LRRC4: variants seen among roughly 807,000 people sequenced by gnomAD.
The protein encoded by LRRC4 is leucine rich repeat containing 4, also known as leucine-rich repeat-containing protein 4.
A neutral mutation model predicts 37.9 loss-of-function variants in LRRC4; 11 were observed. The ratio of observed to expected loss-of-function variants is 0.29; its 90% CI spans 0.18 to 0.48. LRRC4 has a LOEUF of 0.48. Among genes scored for constraint, LRRC4 ranks in the 20% least tolerant of loss-of-function variants. LRRC4 has a pLI of 0.99. For synonymous variants in LRRC4, 404 were observed against 346.7 expected, an observed-to-expected ratio of 1.17 and a Z score of -1.84; for missense variants, 717 against 842.1, an observed-to-expected ratio of 0.85 and a Z score of 1.84.
rs139562849 is a variant in LRRC4, at chr7:128,029,639, G to A, written c.1002C>T (p.His334=). 6.2e-7 allele frequency: 1 copy of A among 1,614,018 alleles called. No homozygotes were observed. Reference sequence around the variant, plus strand: ...CCTCCACGAGGTAGCGGCCTCGCATGTGCATGGGAGCATGACAGCGGCCAC... The same window carrying A: ...CCTCCACGAGGTAGCGGCCTCGCATATGCATGGGAGCATGACAGCGGCCAC... ...TCCGRCHAPM[H]MRGRYLVEVD... Residue 334 remains histidine, a synonymous_variant, in exon 2 of 2, where the codon CAC becomes CAT. Transcript: ENST00000249363. This position sits in a 1 kb window ranked among gnomAD's most constrained non-coding sequence, Gnocchi z 4.2.
chr7:128,028,350 G>C lies in LRRC4; in HGVS notation c.*329C>G, dbSNP rs1159524544. The C allele has an allele frequency of 8.4e-6, 2 of 239,180 alleles. No individual in the cohort carries two copies. Among genetic ancestry groups the C allele is most frequent in the Non-Finnish European group, 1.6e-5 (2 of 122,744 alleles). The allele number at this position is 239,180 out of a possible 1,614,324, so 14.8% of individuals were successfully genotyped here. ...AGCAGCCCACACCCTACCTCTTTAA[G>C]GATGTTTGTTGTTTTAGTTTATTTT... is the stretch of plus-strand genomic sequence containing the variant. On this transcript the variant is annotated 3_prime_UTR_variant, in exon 2 of 2. Coordinates refer to ENST00000249363, the MANE Select transcript of LRRC4 (RefSeq NM_022143.5).
upstream of LRRC4, chr7:128,031,918 G>C (rs984788242): frequency 1.3e-5 from 2 of 151,302 alleles, no homozygotes; most frequent in African/African-American, 4.8e-5. Flanking sequence ...AGCAGCGGGG[G>C]TCGCGGCTGC....
chr7:128,030,778 G>C (rs1488031991), intron 1 of LRRC4, 38 bp from the exon 2 acceptor site: 4 of 1,117,786 alleles, frequency 3.6e-6, no homozygotes, highest in Middle Eastern at 5.6e-4. Context: ...TTAGAGAGAC[G>C]GAGCGGATCG....
Position 128,030,577 on chromosome 7 carries a change from C to T in LRRC4, c.64G>A (p.Val22Ile). The change falls in exon 2 of 2, where the codon GTC becomes ATC. Residue 22 changes from valine (V) to isoleucine (I), a missense_variant. By Grantham distance (29) the Val-to-Ile change is conservative (BLOSUM62 3). Coordinates refer to ENST00000249363, the MANE Select transcript of LRRC4 (RefSeq NM_022143.5). ...HTWNAILLPFVYLTAQVWILC... is the reference protein window; with the variant it reads ...HTWNAILLPFIYLTAQVWILC... Reference sequence around the variant, plus strand: ...ATCCACACTTGCGCCGTGAGGTAGACGAACGGGAGCAGGATGGCATTCCAG... The same window carrying T: ...ATCCACACTTGCGCCGTGAGGTAGATGAACGGGAGCAGGATGGCATTCCAG... 1 of 1,606,224 alleles carries T rather than the reference C, an allele frequency of 6.2e-7. No homozygotes were observed. The highest frequency in any genetic ancestry group is 8.5e-7 in the Non-Finnish European group (1 of 1,174,790).
chr7:128,031,755 C>T (rs953000903), upstream of LRRC4: 3 of 145,024 alleles, frequency 2.1e-5, no homozygotes, highest in Non-Finnish European at 3.1e-5. Context: ...GCGGCCGCAG[C>T]CCCCGGCGGC....
chr7:128,030,058 G>A lies in LRRC4; in HGVS notation c.583C>T (p.Leu195=), dbSNP rs375153181. The stretch of plus-strand genomic sequence containing the variant: ...AAGTTCAGATACTTGAGGTTGAACA[G>A]CCCCTCAAAAGCTCCCTCAGAGATA... ...EYISEGAFEG[L]FNLKYLNLGM... The change falls in exon 2 of 2, where the codon CTG becomes TTG. Residue 195 remains leucine (L), a synonymous_variant. Coordinates refer to ENST00000249363, the MANE Select transcript of LRRC4 (RefSeq NM_022143.5). 4.2e-5 allele frequency: 68 copies of A among 1,613,228 alleles called. No homozygotes were observed. Among genetic ancestry groups the A allele is most frequent in the Non-Finnish European group, 5.8e-5 (68 of 1,180,040 alleles).
chr7:128,030,697 C>G lies in LRRC4; in HGVS notation c.-57G>C. The stretch of plus-strand genomic sequence containing the variant: ...GGGATTTTGGCTCGGAAAGGAGAAC[C>G]AGCCCTACCCCGGCTTAAGTGAGCT... On this transcript the variant is annotated 5_prime_UTR_variant, in exon 2 of 2. Transcript: ENST00000249363. 6.6e-7 allele frequency: 1 copy of G among 1,516,204 alleles called. No homozygotes were observed. Among genetic ancestry groups the G allele is most frequent in the Non-Finnish European group, 8.8e-7 (1 of 1,130,178 alleles). The allele number at this position is 1,516,204 out of a possible 1,614,324, so 93.9% of individuals were successfully genotyped here. A position where few individuals can be genotyped will look rare whatever the true frequency, so the allele number is the denominator to read the frequency against.
Position 128,030,098 on chromosome 7 carries a change from G to C in LRRC4, c.543C>G (p.Leu181=), listed in dbSNP as rs532677808. Residue 181 remains leucine, a synonymous_variant, in exon 2 of 2, where the codon CTC becomes CTG. Coordinates refer to ENST00000249363, the MANE Select transcript of LRRC4 (RefSeq NM_022143.5). ...PSLMRLDLGE[L]KKLEYISEGA... ...CCTCAGAGATATACTCCAGCTTCTT[G>C]AGCTCCCCCAAGTCCAGGCGCATGA... is the stretch of plus-strand genomic sequence containing the variant. 1 of 1,613,914 alleles carries C rather than the reference G, an allele frequency of 6.2e-7. No individual in the cohort carries two copies. The highest frequency in any genetic ancestry group is 8.5e-7 in the Non-Finnish European group (1 of 1,180,046).
Position 128,029,137 on chromosome 7 carries a change from T to C in LRRC4, c.1504A>G (p.Lys502Glu), listed in dbSNP as rs770981043. ...TVLIQTTRVPKQVAVPATDTT... is the reference protein window; with the variant it reads ...TVLIQTTRVPEQVAVPATDTT... The stretch of plus-strand genomic sequence containing the variant: ...TCTGTCGCGGGTACTGCCACCTGCT[T>C]GGGCACACGGGTAGTCTGAATGAGC... Residue 502 changes from lysine to glutamate, a missense_variant, in exon 2 of 2, where the codon AAG (lysine) becomes GAG (glutamate). Lys to Glu is a moderately conservative substitution (Grantham distance 56, BLOSUM62 1). Coordinates refer to ENST00000249363, the MANE Select transcript of LRRC4 (RefSeq NM_022143.5). The surrounding 1 kb of genome is among the most constrained non-coding windows in gnomAD (Gnocchi z 4.2). 2 of 1,614,084 alleles carry C rather than the reference T, an allele frequency of 1.2e-6. No individual in the cohort carries two copies. Among genetic ancestry groups the C allele is most frequent in the Non-Finnish European group, 1.7e-6 (2 of 1,180,014 alleles).
rs1235503794 is a variant in LRRC4, at chr7:128,030,170, G to A, written c.471C>T (p.Asn157=). 1 of 1,614,136 alleles carries A rather than the reference G, an allele frequency of 6.2e-7. No individual in the cohort carries two copies. The highest frequency in any genetic ancestry group is 8.5e-7 in the Non-Finnish European group (1 of 1,180,058). The part of the protein sequence containing the change: ...SKLRELWLRN[N]PIESIPSYAF... ...CGTAAGAGGGGATGCTTTCGATGGG[G>A]TTGTTGCGAAGCCAGAGCTCCCGCA... is the stretch of plus-strand genomic sequence containing the variant. The change falls in exon 2 of 2, where the codon AAC becomes AAT. Residue 157 remains asparagine (N), a synonymous_variant. Transcript: ENST00000249363.
Position 128,029,805 on chromosome 7 carries a change from G to A in LRRC4, c.836C>T (p.Ser279Phe). ...GGTAAAGAGGTCATGGGGCAAAGAA[G>A]AGAGGTTATTGTGGGCCAAGTTGAG... is the stretch of plus-strand genomic sequence containing the variant. ...VELNLAHNNL[S>F]SLPHDLFTPL... The change falls in exon 2 of 2, where the codon TCT becomes TTT. Residue 279 changes from serine (S) to phenylalanine (F), a missense_variant. Ser to Phe is a radical substitution (Grantham distance 155). This residue lies in a region of LRRC4 where 138 missense variants were observed against 261.0 expected (regional missense o/e 0.53). Coordinates refer to ENST00000249363, the MANE Select transcript of LRRC4 (RefSeq NM_022143.5). This position sits in a 1 kb window ranked among gnomAD's most constrained non-coding sequence, Gnocchi z 4.2. 3 of 1,613,800 alleles carry A rather than the reference G, an allele frequency of 1.9e-6. No individual in the cohort carries two copies. Among genetic ancestry groups the A allele is most frequent in the Non-Finnish European group, 2.5e-6 (3 of 1,180,026 alleles).
At position 128,029,177 on chromosome 7, in the gene LRRC4, G is replaced by A. The variant is rs760464481; in HGVS notation, c.1464C>T (p.Thr488=). 1 of 1,614,060 alleles carries A rather than the reference G, an allele frequency of 6.2e-7. No individual in the cohort carries two copies. The highest frequency in any genetic ancestry group is 1.1e-5 in the South Asian group (1 of 91,070). ...TCTGAATGAGCACCGTGGTAGAGGT[G>A]GTATATGCCGGCTGGTAACCAGTGG... is the stretch of plus-strand genomic sequence containing the variant. ...TTSTGYQPAY[T]TSTTVLIQTT... Residue 488 remains threonine (T), a synonymous_variant, in exon 2 of 2, where the codon ACC becomes ACT. Transcript: ENST00000249363. The surrounding 1 kb of genome is among the most constrained non-coding windows in gnomAD (Gnocchi z 4.2).
Position 128,028,676 on chromosome 7 carries a change from G to T in LRRC4, c.*3C>A. 2 of 1,601,396 alleles carry T rather than the reference G, an allele frequency of 1.2e-6. No homozygotes were observed. The highest frequency in any genetic ancestry group is 1.3e-5 in the African/African-American group (1 of 74,432). Reference sequence around the variant, plus strand: ...ATTTTATAAGTTTTTTGGGGGAGGGGAGTCATATTTGAGTTTCCTGTACCT... The same window carrying T: ...ATTTTATAAGTTTTTTGGGGGAGGGTAGTCATATTTGAGTTTCCTGTACCT... On this transcript the variant is annotated 3_prime_UTR_variant, in exon 2 of 2. Transcript: ENST00000249363.
chr7:128,032,040 G>A (rs1156846938), upstream of LRRC4: 2 of 151,802 alleles, frequency 1.3e-5, no homozygotes, highest in East Asian at 3.9e-4. Flanking sequence ...CCGGGCTCGC[G>A]GTGTTGCAGG....
In LRRC4 at chr7:128,030,356, G is replaced by A. The variant is rs1260274574; in HGVS notation, c.285C>T (p.Phe95=). 1 of 1,613,948 alleles carries A rather than the reference G, an allele frequency of 6.2e-7. No individual in the cohort carries two copies. The highest frequency in any genetic ancestry group is 1.3e-5 in the African/African-American group (1 of 74,936). The change falls in exon 2 of 2, where the codon TTC becomes TTT. Residue 95 remains phenylalanine, a synonymous_variant. Transcript: ENST00000249363. ...GGACCTCCAGGTGGTGGAGGTGGCG[G>A]AAGGTGTCGGCCTGGATCATCTGGA... ...NNIQMIQADT[F]RHLHHLEVLQ... is the part of the protein sequence containing the mutation.
rs750552921 is a variant in LRRC4, at chr7:128,030,408, C to T, written c.233G>A (p.Arg78Gln). Residue 78 changes from arginine (R) to glutamine (Q), a missense_variant, in exon 2 of 2, where the codon CGG becomes CAG. Transcript: ENST00000249363. ...EVPQGIPSNT[R>Q]YLNLMENNIQ... is the part of the protein sequence containing the mutation. ...GTTGTTCTCCATGAGGTTGAGGTAC[C>T]GGGTGTTCGAGGGAATACCCTGCGG... is the stretch of plus-strand genomic sequence containing the variant. 1.3e-5 allele frequency: 21 copies of T among 1,613,710 alleles called. No homozygotes were observed. Among genetic ancestry groups the T allele is most frequent in the Non-Finnish European group, 1.6e-5 (19 of 1,180,046 alleles).
rs1424008533 is a variant in LRRC4, at chr7:128,027,618, C to T, written c.*1061G>A. 1 of 152,212 alleles carries T rather than the reference C, an allele frequency of 6.6e-6. No homozygotes were observed. The highest frequency in any genetic ancestry group is 1.5e-5 in the Non-Finnish European group (1 of 68,030). 9.4% of individuals were successfully genotyped at this position (152,212 alleles called of 1,614,324 possible). ...CACAAGCATGAGAAAAGCTTCCACT[C>T]CCAAGCTCCCCAATTCAGGCTTCTC... is the stretch of plus-strand genomic sequence containing the variant. On this transcript the variant is annotated 3_prime_UTR_variant, in exon 2 of 2. Transcript: ENST00000249363.
chr7:128,028,876 C>G lies in LRRC4; in HGVS notation c.1765G>C (p.Gly589Arg), dbSNP rs748453907. The change falls in exon 2 of 2, where the codon GGT becomes CGT. Residue 589 changes from glycine (G) to arginine (R), a missense_variant. By Grantham distance (125) the Gly-to-Arg change is moderately radical (BLOSUM62 -2). Transcript: ENST00000249363. ...TSAAATAAPSGVSGEGAVVLP... is the reference protein window; with the variant it reads ...TSAAATAAPSRVSGEGAVVLP... ...ACTACTGCCCCCTCACCTGATACAC[C>G]GGACGGAGCTGCTGTTGCTGCTGCG... The G allele has an allele frequency of 6.2e-7, 1 of 1,614,138 alleles. No homozygotes were observed. The highest frequency in any genetic ancestry group is 8.5e-7 in the Non-Finnish European group (1 of 1,179,990).
chr7:128,029,539 G>C lies in LRRC4; in HGVS notation c.1102C>G (p.Arg368Gly), dbSNP rs1359460226. 6.2e-7 allele frequency: 1 copy of C among 1,613,912 alleles called. No individual in the cohort carries two copies. The highest frequency in any genetic ancestry group is 1.3e-5 in the African/African-American group (1 of 74,876). Reference sequence around the variant, plus strand: ...GTCCGACACTTAAGTTCTGCCATCCGACCCTCAGAAATGTTGAGGTCTCGA... The same window carrying C: ...GTCCGACACTTAAGTTCTGCCATCCCACCCTCAGAAATGTTGAGGTCTCGA... Reference protein sequence around the residue: ...APRDLNISEGRMAELKCRTPP... With the variant: ...APRDLNISEGGMAELKCRTPP... The change falls in exon 2 of 2, where the codon CGG becomes GGG. Residue 368 changes from arginine (R) to glycine (G), a missense_variant. By Grantham distance (125) the Arg-to-Gly change is moderately radical. Around this residue, in one of 5 missense-constraint regions of LRRC4, gnomAD observed 293 missense variants for 268.3 expected, o/e 1.09. Transcript: ENST00000249363. This position sits in a 1 kb window ranked among gnomAD's most constrained non-coding sequence, Gnocchi z 4.2.
Sources: gnomAD v4.1 joint callset for allele counts on GRCh38, gnomAD v4.1.1 for gene constraint, gnomAD v4.1.1 regional missense constraint, Gnocchi (gnomAD v3.1) non-coding constraint, MANE v1.5 for transcripts, NCBI Gene and HGNC (gene_info 2026-07-23, HGNC 2026-07-21) for gene names.